The following RAB6B variants were observed in gnomAD, a reference collection of about 807,000 sequenced individuals.
RAB6B encodes RAB6B, member RAS oncogene family.
In RAB6B, 7 loss-of-function variants were observed where a neutral mutation model predicts 31.2. The ratio of observed to expected loss-of-function variants is 0.22; its 90% CI spans 0.13 to 0.42. RAB6B has a LOEUF of 0.42. Ranked by LOEUF, RAB6B falls within the 10% of genes least tolerant of loss-of-function variation. RAB6B has a pLI of 1.00. For synonymous variants in RAB6B, 105 were observed against 104.9 expected, an observed-to-expected ratio of 1.00 and a Z score of -0.01; for missense variants, 149 against 280.6, an observed-to-expected ratio of 0.53 and a Z score of 3.35.
chr3:133,838,332 C>A lies in RAB6B; in HGVS notation c.402-73G>T, dbSNP rs1311271339. 8 of 1,374,838 alleles carry A rather than the reference C, an allele frequency of 5.8e-6. 1 individual carries two copies. Among genetic ancestry groups the A allele is most frequent in the South Asian group, 4.6e-5 (4 of 86,198 alleles). 85.2% of individuals were successfully genotyped at this position (1,374,838 alleles called of 1,614,324 possible). Reference sequence around the variant, plus strand: ...CCTGGCAGATATGAGGAGGGACCCACCCAGCAGGGCAGAGGGAGCCCACTG... The same window carrying A: ...CCTGGCAGATATGAGGAGGGACCCAACCAGCAGGGCAGAGGGAGCCCACTG... On this transcript the variant is annotated intron_variant, in intron 5 of 7. Coordinates refer to ENST00000285208, the MANE Select transcript of RAB6B (RefSeq NM_016577.4).
intron 1 of RAB6B, among the ~76,000 whole-genome samples, chr3:133,872,770 A>T (rs1056864392): frequency 2.6e-5 from 4 of 152,230 alleles, no homozygotes; most frequent in Non-Finnish European, 5.9e-5. Context: ...CAAAAGACTC[A>T]GATGGTAATT....
chr3:133,873,648 A>T (rs959199701), intron 1 of RAB6B, among the ~76,000 whole-genome samples: 1 of 152,236 alleles, frequency 6.6e-6, no homozygotes, highest in Non-Finnish European at 1.5e-5. Flanking sequence ...TTACTGAGGT[A>T]CAATCAATAA....
intron 1 of RAB6B, among the ~76,000 whole-genome samples, chr3:133,893,234 A>G (rs10935088): frequency 0.18 from 26,645 of 152,216 alleles, 2,472 homozygotes; most frequent in African/African-American, 0.21. Context: ...GGCTTCCCCA[A>G]TTCAAGGTCA....
At chr3:133,869,143 A>G (rs942723347) in intron 1 of RAB6B, among the ~76,000 whole-genome samples, 3 of 152,214 alleles carry the variant, frequency 2.0e-5, no homozygotes, top group Non-Finnish European at 2.9e-5. Context: ...CAGAGGGAAC[A>G]ATGTGTGCAA....
At chr3:133,829,749 T>G (rs1044818256) in intron 7 of RAB6B, among the ~76,000 whole-genome samples, 2 of 152,224 alleles carry the variant, frequency 1.3e-5, no homozygotes, top group African/African-American at 4.8e-5. Flanking sequence ...TTAAGTACTA[T>G]GAAAAGCCAT....
At chr3:133,879,381 T>C (rs1936437239) in intron 1 of RAB6B, among the ~76,000 whole-genome samples, 1 of 152,206 alleles carries the variant, frequency 6.6e-6, no homozygotes, top group South Asian at 2.1e-4. Context: ...GTACTTGGCA[T>C]CAACTCAGGC....
chr3:133,827,508 G>A lies in RAB6B; in HGVS notation c.*1280C>T, dbSNP rs1412400328. The A allele has an allele frequency of 5.0e-6, 1 of 201,148 alleles. No homozygotes were observed. Among genetic ancestry groups the A allele is most frequent in the African/African-American group, 2.3e-5 (1 of 43,066 alleles). The allele number at this position is 201,148 out of a possible 1,614,324, so 12.5% of individuals were successfully genotyped here. A position where few individuals can be genotyped will look rare whatever the true frequency, so the allele number is the denominator to read the frequency against. ...CATTCTCAGGAATGAATCAAAAATG[G>A]AAGAGATGGCTCTCTGGGGGCAAGC... On this transcript the variant is annotated 3_prime_UTR_variant, in exon 8 of 8. Coordinates refer to ENST00000285208, the MANE Select transcript of RAB6B (RefSeq NM_016577.4).
intron 2 of RAB6B, among the ~76,000 whole-genome samples, chr3:133,853,922 T>A (rs115744730): frequency 1.1e-3 from 169 of 152,280 alleles, no homozygotes; most frequent in Middle Eastern, 3.4e-3. Context: ...CCATGGAGAC[T>A]CTCCAGCAAT....
intron 7 of RAB6B, among the ~76,000 whole-genome samples, chr3:133,831,535 G>A (rs920019109): frequency 6.6e-5 from 10 of 152,234 alleles, no homozygotes; most frequent in Admixed American, 1.3e-4. Context: ...CTTCCGCTAG[G>A]AGCCTTCCCA....
At chr3:133,854,418 G>A (rs1251974543) in intron 2 of RAB6B, among the ~76,000 whole-genome samples, 1 of 152,204 alleles carries the variant, frequency 6.6e-6, no homozygotes, top group African/African-American at 2.4e-5. Context: ...CTGACCTTGG[G>A]GAGTTTCCTG....
intron 1 of RAB6B, among the ~76,000 whole-genome samples, chr3:133,889,404 A>T (rs1212431095): frequency 2.9e-4 from 9 of 31,516 alleles, no homozygotes; most frequent in Admixed American, 7.5e-4. Context: ...ATATATATAT[A>T]TATATATATA....
At chr3:133,829,917 CAT>C (rs367789384) in intron 7 of RAB6B, among the ~76,000 whole-genome samples, 64 of 151,720 alleles carry the variant, frequency 4.2e-4, no homozygotes, top group Non-Finnish European at 7.4e-4. Flanking sequence ...TTATTTTCCC[CAT>C]GTGTGTGTGT....
intron 2 of RAB6B, among the ~76,000 whole-genome samples, chr3:133,861,975 G>C (rs1331149029): frequency 6.6e-6 from 1 of 152,120 alleles, no homozygotes; most frequent in Non-Finnish European, 1.5e-5. Context: ...CTGCCACCAT[G>C]TTAGGAAAAA....
In RAB6B at chr3:133,852,270, A is replaced by G. The variant is rs150759834; in HGVS notation, c.130-10607T>C. Among the ~76,000 whole-genome samples, 145 of 152,018 alleles carry G rather than the reference A, an allele frequency of 9.5e-4. 1 individual carries two copies. The Middle Eastern group carries it at 0.014, about 14-fold the overall frequency. The stretch of plus-strand genomic sequence containing the variant: ...CACGGGCCTAGGCTGCTTTGTCCAC[A>G]CTCTCCAGGATGGTTTTAGCAGCAA... On this transcript the variant is annotated intron_variant, in intron 2 of 7. Transcript: ENST00000285208.
At position 133,826,938 on chromosome 3, in the gene RAB6B, TATA is replaced by T. The variant is rs1349149819; in HGVS notation, c.*1847_*1849del. Reference sequence around the variant, plus strand: ...GTGTATACACAAGTCTATCTCTATATATAATTATGTACACACATATAAAAACTA... The same window carrying T: ...GTGTATACACAAGTCTATCTCTATATATTATGTACACACATATAAAAACTA... On this transcript the variant is annotated 3_prime_UTR_variant, in exon 8 of 8. Coordinates refer to ENST00000285208, the MANE Select transcript of RAB6B (RefSeq NM_016577.4). 2 of 152,698 alleles carry T rather than the reference TATA, an allele frequency of 1.3e-5. No homozygotes were observed. The highest frequency in any genetic ancestry group is 2.4e-5 in the African/African-American group (1 of 41,478). 9.5% of individuals were successfully genotyped at this position (152,698 alleles called of 1,614,324 possible).
intron 7 of RAB6B, among the ~76,000 whole-genome samples, chr3:133,834,198 T>G (rs547961486): frequency 2.2e-4 from 34 of 152,092 alleles, no homozygotes; most frequent in Non-Finnish European, 4.4e-4. Context: ...CTGAACCACG[T>G]TGAGATCATA....
At chr3:133,868,220 G>T (rs1337126740) in intron 1 of RAB6B, among the ~76,000 whole-genome samples, 2 of 152,306 alleles carry the variant, frequency 1.3e-5, no homozygotes, top group East Asian at 3.9e-4. Context: ...CAACTGCCCG[G>T]GGTGGAAGGT....
Position 133,859,158 on chromosome 3 carries a change from TTATAATA to T in RAB6B, c.129+5419_129+5425del, listed in dbSNP as rs1301449571. ...TATATACAACTAATTTTTAAAAAAT[TTATAATA>T]ACAGGGTTTCGTTATCTTGACCAGA... On this transcript the variant is annotated intron_variant, in intron 2 of 7. Transcript: ENST00000285208. Among the ~76,000 whole-genome samples, 3 of 152,238 alleles carry T rather than the reference TTATAATA, an allele frequency of 2.0e-5. No individual in the cohort carries two copies. In the East Asian group the frequency reaches 5.8e-4, roughly 29 times the overall value.
chr3:133,847,506 C>G (rs7618111), intron 2 of RAB6B, among the ~76,000 whole-genome samples: 4,500 of 152,274 alleles, frequency 0.03, 213 homozygotes, highest in African/African-American at 0.1. Flanking sequence ...TTCCTTTCAT[C>G]CAAGAAACAT....
Sources: allele counts gnomAD v4.1 joint callset (sites outside exome capture counted in the v4.1 genomes callset), GRCh38; gene constraint gnomAD v4.1.1; transcripts MANE v1.5; gene names NCBI Gene and HGNC (gene_info 2026-07-23, HGNC 2026-07-21).